CDON: variants seen among roughly 807,000 people sequenced by gnomAD.
CDON encodes the protein cell adhesion molecule-related/down-regulated by oncogenes.
Under a neutral mutation model 120.9 loss-of-function variants are expected in CDON, and 73 were observed. The observed-to-expected ratio is 0.60, with a 90% confidence interval of 0.50 to 0.73. The LOEUF (loss-of-function observed/expected upper bound fraction) is 0.73. Ranked by LOEUF, CDON falls within the 30% of genes least tolerant of loss-of-function variation. The probability of loss-of-function intolerance (pLI) is 0.00; values close to 1 mark genes in which losing one functional copy is unlikely to be tolerated. For missense variants in CDON, 1,470 were observed against 1,587.3 expected, an observed-to-expected ratio of 0.93 and a Z score of 1.26; for synonymous variants, 566 against 573.5, an observed-to-expected ratio of 0.99 and a Z score of 0.19.
chr11:125,967,033 A>G (rs1945821500), intron 18 of CDON, among the ~76,000 whole-genome samples: 1 of 152,100 alleles, frequency 6.6e-6, no homozygotes, highest in Non-Finnish European at 1.5e-5. Context: ...TTAAAAAAAA[A>G]AAAGGAAATA....
intron 14 of CDON, among the ~76,000 whole-genome samples, chr11:125,990,330 G>A (rs917477853): frequency 6.6e-6 from 1 of 152,086 alleles, no homozygotes; most frequent in Non-Finnish European, 1.5e-5. Flanking sequence ...GGAAACTCTT[G>A]GCCACCACCC....
intron 12 of CDON, among the ~76,000 whole-genome samples, chr11:125,996,577 G>A (rs1946790151): frequency 1.3e-5 from 2 of 151,526 alleles, no homozygotes; most frequent in Admixed American, 1.3e-4. Flanking sequence ...GCAGGCACCT[G>A]TAATCCCAGC....
chr11:125,990,130 T>C (rs1028753586), intron 14 of CDON, among the ~76,000 whole-genome samples: 2 of 152,122 alleles, frequency 1.3e-5, no homozygotes, highest in African/African-American at 4.8e-5. Context: ...AGTCAATCCA[T>C]GTTCCCCCAC....
At chr11:126,047,894 C>T (rs549125277) in intron 1 of CDON, among the ~76,000 whole-genome samples, 39 of 152,280 alleles carry the variant, frequency 2.6e-4, no homozygotes, top group African/African-American at 8.7e-4. Context: ...CTACATGCTA[C>T]GTTTATATAA....
chr11:126,028,281 G>A (rs1208969202), intron 1 of CDON, among the ~76,000 whole-genome samples: 1 of 151,818 alleles, frequency 6.6e-6, no homozygotes, highest in East Asian at 1.9e-4. Flanking sequence ...TCATATATGT[G>A]GTGTACGGTA....
chr11:126,042,770 C>G (rs1389017355), intron 1 of CDON, among the ~76,000 whole-genome samples: 6 of 152,146 alleles, frequency 3.9e-5, no homozygotes, highest in African/African-American at 9.7e-5. Context: ...TACAAGCACA[C>G]GCTGCCATGC....
Position 126,011,825 on chromosome 11 carries a change from G to A in CDON, c.1199-1131C>T, listed in dbSNP as rs373123878. On this transcript the variant is annotated intron_variant, in intron 7 of 19. Transcript: ENST00000531738. ...TTTTCTTGAAAACCTTTTTCATCTC[G>A]TCTTTCATATTTAGATCTTTAATCC... Among the ~76,000 whole-genome samples the A allele has an allele frequency of 3.4e-4, 52 of 152,014 alleles. No individual in the cohort carries two copies. In the East Asian group the frequency reaches 7.1e-3, roughly 21 times the overall value.
rs527732310 is a variant in CDON at position 125,958,146 on chromosome 11, G to A, written c.*2796C>T. 2.6e-5 allele frequency: 4 copies of A among 152,296 alleles called. No individual in the cohort carries two copies. Among genetic ancestry groups the A allele is most frequent in the Admixed American group, 1.3e-4 (2 of 15,300 alleles). The allele number at this position is 152,296 out of a possible 1,614,324, so 9.4% of individuals were successfully genotyped here. ...AGTTGGAGCCTCGGAGGAATTCCAC[G>A]GCAGGGATAGATCACAGCATACGGA... On this transcript the variant is annotated 3_prime_UTR_variant, in exon 20 of 20. Coordinates refer to ENST00000531738, the MANE Select transcript of CDON (RefSeq NM_001378964.1).
At chr11:126,031,923 T>C (rs1298996043) in intron 1 of CDON, among the ~76,000 whole-genome samples, 1 of 152,176 alleles carries the variant, frequency 6.6e-6, no homozygotes, top group Non-Finnish European at 1.5e-5. Context: ...GCATTTTATT[T>C]AAGAACAAAC....
Position 125,956,971 on chromosome 11 carries a change from C to T in CDON, c.*3971G>A, listed in dbSNP as rs1166335234. The T allele has an allele frequency of 1.3e-5, 8 of 606,262 alleles. No individual in the cohort carries two copies. Among genetic ancestry groups the T allele is most frequent in the Middle Eastern group, 8.4e-4 (1 of 1,188 alleles). 37.6% of individuals were successfully genotyped at this position (606,262 alleles called of 1,614,324 possible). A position where few individuals can be genotyped will look rare whatever the true frequency, so the allele number is the denominator to read the frequency against. On this transcript the variant is annotated 3_prime_UTR_variant, in exon 20 of 20. Transcript: ENST00000531738. The stretch of plus-strand genomic sequence containing the variant: ...CACCCGATGCAAAAGACTTTGCTGG[C>T]TTTCTGGTCAGACAAGCCTAGAGAT...
chr11:126,024,112 A>C (rs941906018), intron 1 of CDON, among the ~76,000 whole-genome samples: 2 of 152,194 alleles, frequency 1.3e-5, no homozygotes, highest in African/African-American at 4.8e-5. Flanking sequence ...TGGGCTTGGC[A>C]CTATTGTGAC....
chr11:126,007,473 G>A (rs1366955398), intron 8 of CDON, among the ~76,000 whole-genome samples: 1 of 152,206 alleles, frequency 6.6e-6, no homozygotes, highest in Non-Finnish European at 1.5e-5. Context: ...TTCAGGGTGT[G>A]ATCTGGTGCC....
intron 1 of CDON, among the ~76,000 whole-genome samples, chr11:126,030,703 C>T (rs1947920513): frequency 1.3e-5 from 2 of 152,150 alleles, no homozygotes; most frequent in Admixed American, 1.3e-4. Context: ...AACATGTCTA[C>T]TTAAAAATTC....
Position 125,994,340 on chromosome 11 carries a change from T to C in CDON, c.2594A>G (p.Tyr865Cys), listed in dbSNP as rs955974841. ...NNTPIQGFYI[Y>C]YRPTDSDNDS... ...ATTGTCACTATCTGTTGGTCGGTAATAGATATAAAATCCTTGAATGGGAGT... is the reference window on the plus strand; with the variant it reads ...ATTGTCACTATCTGTTGGTCGGTAACAGATATAAAATCCTTGAATGGGAGT... Residue 865 changes from tyrosine to cysteine, a missense_variant, in exon 14 of 20, where the codon TAT (tyrosine) becomes TGT (cysteine). Tyr to Cys is a radical substitution (Grantham distance 194). Transcript: ENST00000531738. 4 of 1,603,532 alleles carry C rather than the reference T, an allele frequency of 2.5e-6. No individual in the cohort carries two copies. Among genetic ancestry groups the C allele is most frequent in the African/African-American group, 2.7e-5 (2 of 74,668 alleles).
rs1474368587 is a variant in CDON at position 126,034,834 on chromosome 11, T to C, written c.-61-11297A>G. Among the ~76,000 whole-genome samples, 5 of 152,202 alleles carry C rather than the reference T, an allele frequency of 3.3e-5. No homozygotes were observed. The highest frequency in any genetic ancestry group is 6.5e-5 in the Admixed American group (1 of 15,292). On this transcript the variant is annotated intron_variant, in intron 1 of 19. Coordinates refer to ENST00000531738, the MANE Select transcript of CDON (RefSeq NM_001378964.1). This position sits in a 1 kb window ranked among gnomAD's most constrained non-coding sequence, Gnocchi z 4.5. ...AGCACTTGGTAGCTTTTCAAGTTTGTCACTGGAATTGGCTTTATGGGAAAA... is the reference window on the plus strand; with the variant it reads ...AGCACTTGGTAGCTTTTCAAGTTTGCCACTGGAATTGGCTTTATGGGAAAA...
At chr11:125,963,552 T>C (rs977097538) in intron 18 of CDON, among the ~76,000 whole-genome samples, 1 of 152,194 alleles carries the variant, frequency 6.6e-6, no homozygotes, top group African/African-American at 2.4e-5. Flanking sequence ...TCGTTCAAGT[T>C]ACTGGAAATA....
At chr11:125,992,320 C>T (rs1457952781) in intron 14 of CDON, among the ~76,000 whole-genome samples, 1 of 151,950 alleles carries the variant, frequency 6.6e-6, no homozygotes, top group African/African-American at 2.4e-5. Flanking sequence ...ACTTTTGCAC[C>T]AACCTAAATA....
rs138625022 is a variant in CDON, at chr11:125,997,305, T to C, written c.2264A>G (p.Lys755Arg). ...ANGGSPITAFKVEYKRMRTSN... is the reference protein window; with the variant it reads ...ANGGSPITAFRVEYKRMRTSN... Reference sequence around the variant, plus strand: ...GGTCCTCATCCGTTTATATTCGACTTTGAAGGCAGTGATTGGAGAACCCCC... The same window carrying C: ...GGTCCTCATCCGTTTATATTCGACTCTGAAGGCAGTGATTGGAGAACCCCC... Residue 755 changes from lysine (K) to arginine (R), a missense_variant, in exon 12 of 20, where the codon AAA (lysine) becomes AGA (arginine). Transcript: ENST00000531738. 6 of 1,613,926 alleles carry C rather than the reference T, an allele frequency of 3.7e-6. No individual in the cohort carries two copies. In the African/African-American group the frequency reaches 6.7e-5, roughly 18 times the overall value.
At chr11:126,026,204 A>G (rs375554886) in intron 1 of CDON, among the ~76,000 whole-genome samples, 117 of 152,354 alleles carry the variant, frequency 7.7e-4, no homozygotes, top group African/African-American at 2.5e-3. Context: ...TTCTAGCTAT[A>G]TTGTTTATTC....
Sources: allele counts gnomAD v4.1 joint callset (sites outside exome capture counted in the v4.1 genomes callset), GRCh38; gene constraint gnomAD v4.1.1; non-coding constraint Gnocchi (gnomAD v3.1); transcripts MANE v1.5; gene names NCBI Gene and HGNC (gene_info 2026-07-23, HGNC 2026-07-21).